The following CPXM2 variants were observed in gnomAD, a reference collection of about 807,000 sequenced individuals.
The protein encoded by CPXM2 is carboxypeptidase X, M14 family member 2.
CPXM2 carries 66 observed loss-of-function variants against 86.1 expected under a neutral mutation model. That is an observed-to-expected ratio of 0.77 (90% CI 0.63 to 0.94). The LOEUF is 0.94. CPXM2 is among the 40% of genes least tolerant of loss of function. CPXM2 has a pLI of 0.00. For synonymous variants in CPXM2, 388 were observed against 400.2 expected (o/e 0.97, Z 0.36); for missense variants, 948 against 1,026.3 (o/e 0.92, Z 1.04).
At chr10:123,846,817 A>G (rs1333560204) in intron 3 of CPXM2, among the ~76,000 whole-genome samples, 5 of 152,218 alleles carry the variant, frequency 3.3e-5, no homozygotes, top group African/African-American at 9.6e-5. Context: ...AAGCAGGACT[A>G]AAAACCACTG....
chr10:123,790,354 G>GA (rs1847178377), intron 6 of CPXM2, among the ~76,000 whole-genome samples: 3 of 144,206 alleles, frequency 2.1e-5, no homozygotes, highest in Non-Finnish European at 3.2e-5. Context: ...GACCAGGGGT[G>GA]ACTCAGGATG....
chr10:123,912,308 C>T (rs868466245), intron 2 of CPXM2, among the ~76,000 whole-genome samples: 7 of 39,512 alleles, frequency 1.8e-4, no homozygotes, highest in South Asian at 7.9e-4. Context: ...AGATGGTGGG[C>T]GGGGGGGGGG....
At chr10:123,912,579 C>T (rs1216709050) in intron 2 of CPXM2, among the ~76,000 whole-genome samples, 1 of 152,222 alleles carries the variant, frequency 6.6e-6, no homozygotes, top group Non-Finnish European at 1.5e-5. Flanking sequence ...CTGTGATGCC[C>T]TCCTGGGTAT....
intron 13 of CPXM2, among the ~76,000 whole-genome samples, chr10:123,753,637 C>T (rs1220352990): frequency 6.6e-6 from 1 of 152,192 alleles, no homozygotes; most frequent in African/African-American, 2.4e-5. Flanking sequence ...TGGGGAACAG[C>T]TCCTTGTTCC....
intron 3 of CPXM2, among the ~76,000 whole-genome samples, chr10:123,844,026 C>T (rs1848443034): frequency 6.6e-6 from 1 of 152,092 alleles, no homozygotes; most frequent in Admixed American, 6.5e-5. Flanking sequence ...AAATGTAGCA[C>T]AGTGTCAGGG....
intron 2 of CPXM2, among the ~76,000 whole-genome samples, chr10:123,869,902 A>C (rs1038864989): frequency 6.6e-6 from 1 of 152,232 alleles, no homozygotes; most frequent in African/African-American, 2.4e-5. Flanking sequence ...TCCAGGACAC[A>C]GTCAGAATAC....
chr10:123,849,321 T>G (rs747787863), intron 3 of CPXM2, among the ~76,000 whole-genome samples: 3 of 152,154 alleles, frequency 2.0e-5, no homozygotes, highest in Non-Finnish European at 4.4e-5. Flanking sequence ...AAGTACCCAT[T>G]AACTCCCTAC....
rs189465470 is a variant in CPXM2 at position 123,884,421 on chromosome 10, G to A, written c.305-4112C>T. Among the ~76,000 whole-genome samples the A allele has an allele frequency of 9.4e-3, 1,428 of 152,300 alleles. 85 individuals carry two copies. The highest frequency in any genetic ancestry group is 0.086 in the Admixed American group (1,323 of 15,300). On this transcript the variant is annotated intron_variant, in intron 1 of 13. Transcript: ENST00000241305. Reference sequence around the variant, plus strand: ...GCAGTGAGAAACGCCTGCTCTGTGCGATGTTGGCAGGGAAAGGGCCATGAC... The same window carrying A: ...GCAGTGAGAAACGCCTGCTCTGTGCAATGTTGGCAGGGAAAGGGCCATGAC...
chr10:123,801,263 G>T (rs1012052916), intron 4 of CPXM2, among the ~76,000 whole-genome samples: 11 of 152,176 alleles, frequency 7.2e-5, no homozygotes, highest in Admixed American at 7.2e-4. Context: ...GTAAAGGGCA[G>T]TTTCCCTGCA....
At chr10:123,799,014 G>T in intron 5 of CPXM2, 101 bp downstream of exon 5, 1 of 1,370,920 alleles carries the variant, frequency 7.3e-7, no homozygotes, top group Non-Finnish European at 1.0e-6. Context: ...AGTTGACAGA[G>T]AATCCACAAA....
chr10:123,901,695 TAG>T (rs1212146532), intron 2 of CPXM2, among the ~76,000 whole-genome samples: 4 of 152,040 alleles, frequency 2.6e-5, no homozygotes, highest in Non-Finnish European at 5.9e-5. Context: ...ATTTGCTGAG[TAG>T]AGAGGTCACA....
intron 3 of CPXM2, among the ~76,000 whole-genome samples, chr10:123,861,824 T>C (rs1273088511): frequency 6.6e-6 from 1 of 152,196 alleles, no homozygotes; most frequent in Non-Finnish European, 1.5e-5. Flanking sequence ...TCCAGAACTG[T>C]AAGAGAATAC....
At chr10:123,871,014 C>A (rs925222265) in intron 2 of CPXM2, among the ~76,000 whole-genome samples, 1 of 152,210 alleles carries the variant, frequency 6.6e-6, no homozygotes, top group Non-Finnish European at 1.5e-5. Context: ...AGGACACTCT[C>A]AAAGAATCGG....
At chr10:123,902,473 C>T (rs1483082401) in intron 2 of CPXM2, among the ~76,000 whole-genome samples, 1 of 150,794 alleles carries the variant, frequency 6.6e-6, no homozygotes, top group Admixed American at 6.6e-5. Flanking sequence ...ATTAGGGCTG[C>T]TATAACAGAA....
rs544188743 is a variant in CPXM2 at position 123,914,911 on chromosome 10, C to T, written n.174+24566G>A. Among the ~76,000 whole-genome samples the T allele has an allele frequency of 1.6e-4, 25 of 152,312 alleles. No individual in the cohort carries two copies. In the South Asian group the frequency reaches 5.2e-3, roughly 32 times the overall value. On this transcript the variant is annotated intron_variant and non_coding_transcript_variant, in intron 2 of 19. Transcript: ENST00000368854. ...TCTTGCCTCCTGACAATTTGTTCTC[C>T]ACGCAGCAGCCAGAGGGGCCAGCTC...
chr10:123,775,986 G>C (rs1416296410), intron 7 of CPXM2, among the ~76,000 whole-genome samples: 1 of 152,030 alleles, frequency 6.6e-6, no homozygotes, highest in Non-Finnish European at 1.5e-5. Flanking sequence ...TTTTTTTGGA[G>C]TTTGCGTCTT....
At chr10:123,917,081 T>C (rs1280953089) in intron 2 of CPXM2, among the ~76,000 whole-genome samples, 1 of 152,024 alleles carries the variant, frequency 6.6e-6, no homozygotes, top group Non-Finnish European at 1.5e-5. Context: ...GTTTCTGAAA[T>C]TGAGTGAGAT....
chr10:123,887,724 A>C (rs544823085), intron 1 of CPXM2, among the ~76,000 whole-genome samples: 3 of 152,168 alleles, frequency 2.0e-5, no homozygotes, highest in African/African-American at 7.2e-5. Flanking sequence ...ACACACATAC[A>C]CAAACAAACA....
intron 2 of CPXM2, among the ~76,000 whole-genome samples, chr10:123,904,853 C>A (rs1339360463): frequency 2.9e-5 from 1 of 34,704 alleles, no homozygotes; most frequent in African/African-American, 1.6e-4. Flanking sequence ...CCCTCATTTC[C>A]CCAACCTCTG....
Sources: gnomAD v4.1 joint callset for allele counts (sites outside exome capture counted in the v4.1 genomes callset) on GRCh38, gnomAD v4.1.1 for gene constraint, MANE v1.5 for transcripts, NCBI Gene and HGNC (gene_info 2026-07-23, HGNC 2026-07-21) for gene names.